Variants in DNAH7 observed in about 807,000 individuals in gnomAD.
DNAH7 encodes the protein dynein axonemal heavy chain 7.
DNAH7 carries 397 observed loss-of-function variants against 444.6 expected under a neutral mutation model. The ratio of observed to expected loss-of-function variants is 0.89; its 90% CI spans 0.82 to 0.97. The LOEUF is 0.97. Ranked by LOEUF, DNAH7 falls within the 50% of genes least tolerant of loss-of-function variation. The probability of loss-of-function intolerance (pLI) is 0.00; values close to 1 mark genes in which losing one functional copy is unlikely to be tolerated. For missense variants in DNAH7, 4,902 were observed against 4,800.8 expected (o/e 1.02, Z -0.62); for synonymous variants, 1,636 against 1,624.4 (o/e 1.01, Z -0.17).
At chr2:195,957,649 A>AC (rs1690777112) in intron 18 of DNAH7, among the ~76,000 whole-genome samples, 1 of 133,090 alleles carries the variant, frequency 7.5e-6, no homozygotes, top group Non-Finnish European at 1.6e-5. Flanking sequence ...CAATTGTTAT[A>AC]CATTATATAC....
Position 195,737,707 on chromosome 2 carries a change from A to G in DNAH7, c.*214T>C. On this transcript the variant is annotated 3_prime_UTR_variant, in exon 65 of 65. Transcript: ENST00000312428. ...GTTACTCAAAGAGAGCAAATATGCCAGTGTGTTTTCTTTAGTCTTTATTTC... is the reference window on the plus strand; with the variant it reads ...GTTACTCAAAGAGAGCAAATATGCCGGTGTGTTTTCTTTAGTCTTTATTTC... 2.3e-6 allele frequency: 1 copy of G among 444,294 alleles called. No individual in the cohort carries two copies. Among genetic ancestry groups the G allele is most frequent in the East Asian group, 3.6e-5 (1 of 27,768 alleles). The allele number at this position is 444,294 out of a possible 1,614,324, so 27.5% of individuals were successfully genotyped here. A position where few individuals can be genotyped will look rare whatever the true frequency, so the allele number is the denominator to read the frequency against.
Position 195,888,931 on chromosome 2 carries a change from C to A in DNAH7, c.5097G>T (p.Trp1699Cys). The A allele has an allele frequency of 6.2e-7, 1 of 1,613,954 alleles. No individual in the cohort carries two copies. Among genetic ancestry groups the A allele is most frequent in the Non-Finnish European group, 8.5e-7 (1 of 1,179,928 alleles). Residue 1699 changes from tryptophan to cysteine, a missense_variant, in exon 32 of 65, where the codon TGG becomes TGT. Coordinates refer to ENST00000312428, the MANE Select transcript of DNAH7 (RefSeq NM_018897.3). ...LIFDGPVDAV[W>C]IENMNTVLDD... The stretch of plus-strand genomic sequence containing the variant: ...CCAGCACAGTGTTCATATTCTCAAT[C>A]CACACTGCATCTACTGGGCCATCAA...
intron 9 of DNAH7, among the ~76,000 whole-genome samples, chr2:196,017,619 A>G (rs1456953743): frequency 6.6e-6 from 1 of 152,204 alleles, no homozygotes; most frequent in Non-Finnish European, 1.5e-5. Context: ...GAATCCAGAA[A>G]GACATTCTGA....
At chr2:195,746,335 C>A (rs1389588547) in intron 63 of DNAH7, among the ~76,000 whole-genome samples, 9 of 152,072 alleles carry the variant, frequency 5.9e-5, no homozygotes, top group Non-Finnish European at 1.3e-4. Context: ...CAGGAGCACT[C>A]AGATTCATAA....
Position 195,983,815 on chromosome 2 carries a change from AAAAAT to A in DNAH7, c.1833+812_1833+816del, listed in dbSNP as rs1352140076. 5.3e-5 allele frequency among the ~76,000 whole-genome samples: 8 copies of A among 152,338 alleles called. No homozygotes were observed. In the East Asian group the frequency reaches 1.5e-3, roughly 29 times the overall value. ...ATATAAACAAAATACAGCTTTTATA[AAAAAT>A]AAAATGTCACTTAAGGCTTAAATAT... On this transcript the variant is annotated intron_variant, in intron 15 of 64. Coordinates refer to ENST00000312428, the MANE Select transcript of DNAH7 (RefSeq NM_018897.3).
chr2:195,876,409 G>A (rs568475545), intron 37 of DNAH7, 135 bp downstream of exon 37: 43 of 824,466 alleles, frequency 5.2e-5, no homozygotes, highest in Non-Finnish European at 7.5e-5. Flanking sequence ...ACATTTTTAG[G>A]AGAACCTTTT....
chr2:195,764,240 C>A (rs937181822), intron 61 of DNAH7, among the ~76,000 whole-genome samples: 12 of 151,684 alleles, frequency 7.9e-5, no homozygotes, highest in Non-Finnish European at 1.8e-4. Flanking sequence ...GAACATACAT[C>A]AACTTAATAA....
At chr2:195,856,714 C>A (rs1360081809) in intron 44 of DNAH7, among the ~76,000 whole-genome samples, 1 of 152,162 alleles carries the variant, frequency 6.6e-6, no homozygotes, top group Non-Finnish European at 1.5e-5. Context: ...ATACATTATG[C>A]CAGTGGTTTT....
rs771306635 is a variant in DNAH7 at position 196,000,902 on chromosome 2, T to A, written c.1174-19A>T. 2.6e-6 allele frequency: 4 copies of A among 1,544,470 alleles called. No individual in the cohort carries two copies. The highest frequency in any genetic ancestry group is 2.6e-6 in the Non-Finnish European group (3 of 1,149,190). ...CAGAATCCTGCAAAAAATTAAAAAA[T>A]TTACATACATAAATATGTATGAATT... On this transcript the variant is annotated intron_variant, in intron 11 of 64. Transcript: ENST00000312428.
intron 19 of DNAH7, among the ~76,000 whole-genome samples, chr2:195,940,690 C>T (rs1480271688): frequency 6.6e-6 from 1 of 151,684 alleles, no homozygotes; most frequent in African/African-American, 2.4e-5. Context: ...AAAAAACCAA[C>T]CCCATCAAAA....
At chr2:195,867,577 T>G (rs13028172) in intron 40 of DNAH7, among the ~76,000 whole-genome samples, 76,151 of 151,984 alleles carry the variant, frequency 0.5, 22,360 homozygotes, top group South Asian at 0.65. Flanking sequence ...TGGTACCCAA[T>G]AGAAGCTACT....
chr2:195,856,023 T>A, intron 44 of DNAH7, 32 bp from the exon 45 acceptor site: 4 of 1,571,450 alleles, frequency 2.5e-6, no homozygotes, highest in Non-Finnish European at 3.5e-6. Context: ...AATTAAATAT[T>A]CATTTAATAT....
At chr2:195,865,228 G>A (rs539593254) in intron 40 of DNAH7, among the ~76,000 whole-genome samples, 2 of 152,146 alleles carry the variant, frequency 1.3e-5, no homozygotes, top group Non-Finnish European at 2.9e-5. Context: ...TAAGGTTATA[G>A]TCAGTTATCA....
At chr2:196,058,694 G>C (rs568519467) in intron 1 of DNAH7, among the ~76,000 whole-genome samples, 10 of 152,168 alleles carry the variant, frequency 6.6e-5, no homozygotes, top group African/African-American at 2.4e-4. Flanking sequence ...TAAAGTTCTT[G>C]ATAAATAAAA....
intron 42 of DNAH7, among the ~76,000 whole-genome samples, chr2:195,860,894 T>C: frequency 6.6e-6 from 1 of 152,140 alleles, no homozygotes; most frequent in East Asian, 1.9e-4. Context: ...TAAGTAAAAA[T>C]CATATTAATT....
At chr2:195,828,318 C>G (rs1224562386) in intron 48 of DNAH7, among the ~76,000 whole-genome samples, 1 of 152,124 alleles carries the variant, frequency 6.6e-6, no homozygotes, top group Admixed American at 6.5e-5. Context: ...GGCACAGTGG[C>G]TCATGCCTGT....
At chr2:195,884,502 G>GGCC (rs2125189083) in intron 35 of DNAH7, 83 bp downstream of exon 35, 1 of 933,606 alleles carries the variant, frequency 1.1e-6, no homozygotes, top group South Asian at 1.5e-5. Flanking sequence ...TGATGAAGGT[G>GGCC]GCCACAGGGC....
chr2:195,848,391 T>G (rs1054929829), intron 46 of DNAH7, among the ~76,000 whole-genome samples: 1 of 152,232 alleles, frequency 6.6e-6, no homozygotes, highest in Admixed American at 6.5e-5. Context: ...GCTCTTCTCA[T>G]TGCATCCATC....
In DNAH7 at chr2:195,796,708, T is replaced by C. The variant is rs772844440; in HGVS notation, c.10383A>G (p.Leu3461=). The change falls in exon 56 of 65, where the codon TTA becomes TTG. Residue 3461 remains leucine, a synonymous_variant. Coordinates refer to ENST00000312428, the MANE Select transcript of DNAH7 (RefSeq NM_018897.3). ...QGYGGSKLSS[L]SLGQGQGPIA... ...TGGGCCCTTGGCCTTGACCAAGAGA[T>C]AAAGAGCTAAGTTTTGATCCCCCAT... 2.5e-6 allele frequency: 4 copies of C among 1,614,142 alleles called. No homozygotes were observed. The highest frequency in any genetic ancestry group is 1.7e-6 in the Non-Finnish European group (2 of 1,179,994).
Sources: allele counts gnomAD v4.1 joint callset (sites outside exome capture counted in the v4.1 genomes callset), GRCh38; gene constraint gnomAD v4.1.1; transcripts MANE v1.5; gene names NCBI Gene and HGNC (gene_info 2026-07-23, HGNC 2026-07-21).